Variants in YES1 observed in about 807,000 individuals in gnomAD.
YES1 encodes tyrosine-protein kinase Yes.
Under a neutral mutation model 70.4 loss-of-function variants are expected in YES1, and 39 were observed. The ratio of observed to expected loss-of-function variants is 0.55; its 90% CI spans 0.43 to 0.72. YES1 has a LOEUF of 0.72. YES1 is among the 30% of genes least tolerant of loss of function. The pLI is 0.00. For synonymous variants in YES1, 198 were observed against 218.6 expected, an observed-to-expected ratio of 0.91 and a Z score of 0.83; for missense variants, 495 against 644.8, an observed-to-expected ratio of 0.77 and a Z score of 2.52.
intron 1 of YES1, among the ~76,000 whole-genome samples, chr18:791,518 G>C (rs189940077): frequency 6.6e-6 from 1 of 152,220 alleles, no homozygotes; most frequent in East Asian, 1.9e-4. Flanking sequence ...ACTAGTCTAA[G>C]GTCAAAGACA....
intron 1 of YES1, among the ~76,000 whole-genome samples, chr18:810,009 GTT>G (rs71174293): frequency 0.059 from 8,362 of 141,986 alleles, 325 homozygotes; most frequent in East Asian, 0.13. Flanking sequence ...TTCCTTGCAG[GTT>G]TTTTTTTTTT....
intron 1 of YES1, among the ~76,000 whole-genome samples, chr18:805,806 C>T (rs1464940185): frequency 1.3e-5 from 2 of 152,184 alleles, no homozygotes; most frequent in African/African-American, 4.8e-5. Context: ...GAAGTATTAA[C>T]TTATACACAA....
intron 11 of YES1, among the ~76,000 whole-genome samples, chr18:729,449 C>A (rs920159138): frequency 6.7e-6 from 1 of 149,550 alleles, no homozygotes; most frequent in Non-Finnish European, 1.5e-5. Context: ...ATACAATTTC[C>A]ATTTGATTCT....
At chr18:765,565 A>G (rs1018279748) in intron 1 of YES1, among the ~76,000 whole-genome samples, 2 of 151,286 alleles carry the variant, frequency 1.3e-5, no homozygotes, top group Non-Finnish European at 2.9e-5. Context: ...CACCCAGCTA[A>G]TTTTTTGTAT....
chr18:799,986 A>G (rs1020163209), intron 1 of YES1, among the ~76,000 whole-genome samples: 1 of 152,232 alleles, frequency 6.6e-6, no homozygotes, highest in African/African-American at 2.4e-5. Flanking sequence ...CCTATATTGT[A>G]AGTGGGTGAA....
chr18:749,660 CCTGG>C, intron 3 of YES1, among the ~76,000 whole-genome samples: 1 of 152,034 alleles, frequency 6.6e-6, no homozygotes, highest in Middle Eastern at 3.4e-3. Flanking sequence ...TCGAGACCAT[CCTGG>C]CTAACACGGT....
chr18:771,666 A>G (rs150204854), intron 1 of YES1, among the ~76,000 whole-genome samples: 154 of 152,092 alleles, frequency 1.0e-3, no homozygotes, highest in African/African-American at 3.5e-3. Context: ...CTCCCACCTC[A>G]GCCTCTCTAG....
At chr18:778,970 A>G (rs1362953496) in intron 1 of YES1, among the ~76,000 whole-genome samples, 5 of 152,336 alleles carry the variant, frequency 3.3e-5, no homozygotes, top group Non-Finnish European at 1.5e-5. Context: ...ATTTTTTACC[A>G]TCTTTTTCTT....
chr18:798,597 T>C (rs1906660199), intron 1 of YES1, among the ~76,000 whole-genome samples: 1 of 152,178 alleles, frequency 6.6e-6, no homozygotes, highest in Non-Finnish European at 1.5e-5. Context: ...ACTACCACCA[T>C]GGAATTCTTT....
intron 10 of YES1, among the ~76,000 whole-genome samples, chr18:734,053 C>A (rs1383447387): frequency 6.6e-6 from 1 of 152,114 alleles, no homozygotes. Flanking sequence ...CCGAGGTGGG[C>A]AGATCACCTA....
At chr18:775,784 G>A (rs559271876) in intron 1 of YES1, among the ~76,000 whole-genome samples, 1 of 151,940 alleles carries the variant, frequency 6.6e-6, no homozygotes, top group East Asian at 1.9e-4. Flanking sequence ...GTGACAGAGT[G>A]AGAACTTGCC....
intron 1 of YES1, among the ~76,000 whole-genome samples, chr18:757,459 C>A (rs1358702739): frequency 1.4e-5 from 2 of 146,888 alleles, no homozygotes; most frequent in African/African-American, 2.5e-5. Context: ...GCAGAGATCG[C>A]GCCACTGCAC....
chr18:788,937 A>G (rs1296162786), intron 1 of YES1, among the ~76,000 whole-genome samples: 4 of 152,160 alleles, frequency 2.6e-5, no homozygotes, highest in African/African-American at 9.7e-5. Flanking sequence ...AACAAACAAA[A>G]ACAGTATGAG....
intron 1 of YES1, among the ~76,000 whole-genome samples, chr18:766,703 G>T (rs1204544552): frequency 6.6e-6 from 1 of 151,830 alleles, no homozygotes; most frequent in Non-Finnish European, 1.5e-5. Flanking sequence ...GTGCTTATTT[G>T]CTTCCCATCT....
At chr18:764,341 G>C (rs1004122885) in intron 1 of YES1, among the ~76,000 whole-genome samples, 3 of 152,054 alleles carry the variant, frequency 2.0e-5, no homozygotes, top group Non-Finnish European at 4.4e-5. Flanking sequence ...TCCTGACTCA[G>C]CCTCCCAAGT....
At chr18:736,698 C>G in intron 10 of YES1, 110 bp downstream of exon 10, 9 of 1,387,104 alleles carry the variant, frequency 6.5e-6, no homozygotes, top group Non-Finnish European at 8.7e-6. Flanking sequence ...GTCTCTATGA[C>G]TCTTCTGAGG....
At chr18:741,674 G>GC (rs987175223) in intron 8 of YES1, among the ~76,000 whole-genome samples, 21 of 152,164 alleles carry the variant, frequency 1.4e-4, no homozygotes, top group African/African-American at 4.1e-4. Context: ...GTGGTGGCAT[G>GC]CACCTGTAAT....
rs1361540528 is a variant in YES1 at position 798,043 on chromosome 18, A to T, written c.-9+14071T>A. On this transcript the variant is annotated intron_variant, in intron 1 of 11. Coordinates refer to ENST00000314574, the MANE Select transcript of YES1 (RefSeq NM_005433.4). ...TACTACAAATTCTGCATTTGGGGAA[A>T]TCACAGGGGTCAGCACAACCAAAGT... 4.6e-5 allele frequency: 7 copies of T among 152,166 alleles called. No homozygotes were observed. In the East Asian group the frequency reaches 1.3e-3, roughly 29 times the overall value. The allele number at this position is 152,166 out of a possible 1,614,324, so 9.4% of individuals were successfully genotyped here.
chr18:745,234 A>G (rs2080265570), intron 6 of YES1, among the ~76,000 whole-genome samples: 1 of 152,222 alleles, frequency 6.6e-6, no homozygotes, highest in Non-Finnish European at 1.5e-5. Flanking sequence ...AAAAATGTCT[A>G]TAATTGCTAT....
Sources: allele counts gnomAD v4.1 joint callset (sites outside exome capture counted in the v4.1 genomes callset), GRCh38; gene constraint gnomAD v4.1.1; transcripts MANE v1.5; gene names NCBI Gene and HGNC (gene_info 2026-07-23, HGNC 2026-07-21).